BICC1: variants seen among roughly 807,000 people sequenced by gnomAD.
The protein encoded by BICC1 is protein bicaudal C homolog 1.
In BICC1, 43 loss-of-function variants were observed where a neutral mutation model predicts 111.0. That is an observed-to-expected ratio of 0.39 (90% confidence interval 0.30 to 0.50). The LOEUF (loss-of-function observed/expected upper bound fraction) is 0.50. Among genes scored for constraint, BICC1 ranks in the 20% least tolerant of loss-of-function variants. The pLI is 0.88. For missense variants in BICC1, 1,091 were observed against 1,203.2 expected (o/e 0.91, Z 1.38); for synonymous variants, 467 against 434.4 (o/e 1.07, Z -0.93).
chr10:58,527,738 T>C (rs552202594), intron 1 of BICC1, among the ~76,000 whole-genome samples: 17 of 152,166 alleles, frequency 1.1e-4, no homozygotes, highest in African/African-American at 3.6e-4. Flanking sequence ...GTTGTAGATA[T>C]AGACCAATGG....
rs1048147670 is a variant in BICC1 at position 58,610,988 on chromosome 10, A to G, written c.191-9867A>G. ...CTAGGTTGGTTAAAGCCTAAGATCT[A>G]TACCTGGCATGATGTTATTGATTGT... is the stretch of plus-strand genomic sequence containing the variant. On this transcript the variant is annotated intron_variant, in intron 1 of 20. Transcript: ENST00000373886. Among the ~76,000 whole-genome samples the G allele has an allele frequency of 4.6e-5, 7 of 152,342 alleles. No homozygotes were observed. In the East Asian group the frequency reaches 1.2e-3, roughly 25 times the overall value.
chr10:58,601,140 T>TAATATATATATATATATATATATATATA lies in BICC1; in HGVS notation c.191-19715_191-19714insAATATATATATATATATATATATATATA, dbSNP rs1554810885. ...ACTTTTTAGGCAGTCATTTTAAAACTTATATATATATATATATATATATAT... is the reference window on the plus strand; with the variant it reads ...ACTTTTTAGGCAGTCATTTTAAAACTAATATATATATATATATATATATATATATATATATATATATATATATATATAT... On this transcript the variant is annotated intron_variant, in intron 1 of 20. Transcript: ENST00000373886. Among the ~76,000 whole-genome samples the TAATATATATATATATATATATATATATA allele has an allele frequency of 3.4e-4, 34 of 100,650 alleles. 3 individuals are homozygous for TAATATATATATATATATATATATATATA. The highest frequency in any genetic ancestry group is 6.3e-4 in the South Asian group (2 of 3,194). 66.0% of individuals were successfully genotyped at this position (100,650 alleles called of 152,430 possible).
At chr10:58,520,531 C>A (rs1842361272) in intron 1 of BICC1, among the ~76,000 whole-genome samples, 2 of 152,080 alleles carry the variant, frequency 1.3e-5, no homozygotes, top group Non-Finnish European at 2.9e-5. Context: ...AAATCTTGTT[C>A]CCATTTATGA....
chr10:58,599,411 A>G (rs1436858628), intron 1 of BICC1, among the ~76,000 whole-genome samples: 3 of 152,116 alleles, frequency 2.0e-5, no homozygotes, highest in African/African-American at 7.2e-5. Flanking sequence ...CAGAAAACTA[A>G]ACACTGCATG....
chr10:58,598,236 C>T (rs2132062081), intron 1 of BICC1, among the ~76,000 whole-genome samples: 1 of 152,272 alleles, frequency 6.6e-6, no homozygotes, highest in East Asian at 1.9e-4. Context: ...CTGGAGGCAT[C>T]ACGCTACCTG....
chr10:58,820,665 C>G (rs1364756018), intron 20 of BICC1, among the ~76,000 whole-genome samples, 197 bp downstream of exon 20: 1 of 152,076 alleles, frequency 6.6e-6, no homozygotes, highest in East Asian at 1.9e-4. Flanking sequence ...TGCCTGAAAA[C>G]CTGCCTTAAC....
At chr10:58,787,162 TGA>T in intron 5 of BICC1, 81 bp downstream of exon 5, 1 of 1,284,236 alleles carries the variant, frequency 7.8e-7, no homozygotes. Context: ...CTTTTTTTTC[TGA>T]GAGGTGAGAC....
At chr10:58,613,327 C>T (rs1248346503) in intron 1 of BICC1, among the ~76,000 whole-genome samples, 1 of 152,130 alleles carries the variant, frequency 6.6e-6, no homozygotes, top group African/African-American at 2.4e-5. Flanking sequence ...CCTGCTAAAT[C>T]ATTATATCTG....
chr10:58,713,900 C>T (rs1207647814), intron 3 of BICC1, among the ~76,000 whole-genome samples: 1 of 152,120 alleles, frequency 6.6e-6, no homozygotes, highest in Admixed American at 6.5e-5. Flanking sequence ...AAGGATTTTA[C>T]TGTGATTTAT....
intron 1 of BICC1, among the ~76,000 whole-genome samples, chr10:58,540,404 A>G (rs1350209987): frequency 6.6e-6 from 1 of 151,506 alleles, no homozygotes; most frequent in Non-Finnish European, 1.5e-5. Context: ...CAAAGACTCA[A>G]ATAACAAAAA....
At chr10:58,631,059 G>GA (rs34877497) in intron 2 of BICC1, among the ~76,000 whole-genome samples, 8 of 152,062 alleles carry the variant, frequency 5.3e-5, no homozygotes, top group African/African-American at 1.9e-4. Flanking sequence ...TATGTTAGGT[G>GA]AAAAAAGTGA....
At chr10:58,596,602 A>G (rs1462131691) in intron 1 of BICC1, among the ~76,000 whole-genome samples, 1 of 152,204 alleles carries the variant, frequency 6.6e-6, no homozygotes, top group African/African-American at 2.4e-5. Context: ...AAATAGGAAG[A>G]GAGGAAGTCA....
At chr10:58,638,821 C>G (rs1337534061) in intron 2 of BICC1, among the ~76,000 whole-genome samples, 2 of 152,132 alleles carry the variant, frequency 1.3e-5, no homozygotes, top group Admixed American at 6.5e-5. Context: ...CATATGGTCT[C>G]TAAAGCTTTG....
chr10:58,742,589 C>G (rs1841705165), intron 3 of BICC1, among the ~76,000 whole-genome samples: 1 of 151,964 alleles, frequency 6.6e-6, no homozygotes, highest in Non-Finnish European at 1.5e-5. Context: ...AGGTGCCCAT[C>G]ACCATGCCTG....
At chr10:58,793,414 A>G (rs910644336) in intron 8 of BICC1, 70 bp from the exon 9 acceptor site, 22 of 1,363,730 alleles carry the variant, frequency 1.6e-5, no homozygotes, top group Middle Eastern at 2.3e-4. Flanking sequence ...ATTTGCAGGC[A>G]TGTTAAATTA....
intron 2 of BICC1, among the ~76,000 whole-genome samples, chr10:58,694,867 G>T (rs900329350): frequency 6.6e-6 from 1 of 152,144 alleles, no homozygotes; most frequent in African/African-American, 2.4e-5. Context: ...ATTCTGAGAG[G>T]TGGAGCTTTC....
chr10:58,800,250 G>A lies in BICC1; in HGVS notation c.1782G>A (p.Leu594=). The change falls in exon 13 of 21, where the codon CTG becomes CTA. Residue 594 remains leucine (L), a synonymous_variant. Transcript: ENST00000373886. The part of the protein sequence containing the change: ...ISTSSLGEKV[L]SANHGDPSIQ... ...CTTCATCACTTGGAGAAAAAGTGCT[G>A]AGTGCAAATCACGGGGATCCGTCCA... 6.2e-7 allele frequency: 1 copy of A among 1,612,828 alleles called. No individual in the cohort carries two copies. The highest frequency in any genetic ancestry group is 8.5e-7 in the Non-Finnish European group (1 of 1,179,102).
intron 2 of BICC1, among the ~76,000 whole-genome samples, chr10:58,628,106 C>T (rs144685133): frequency 8.4e-4 from 127 of 151,994 alleles, no homozygotes; most frequent in African/African-American, 2.9e-3. Context: ...AAATGTTAAC[C>T]GTGACTCTCA....
intron 3 of BICC1, among the ~76,000 whole-genome samples, chr10:58,766,416 T>C (rs1249543292): frequency 6.6e-6 from 1 of 152,128 alleles, no homozygotes; most frequent in Non-Finnish European, 1.5e-5. Flanking sequence ...GGAGAGTAAT[T>C]AGGGGGCGGG....
Sources: allele counts gnomAD v4.1 joint callset (sites outside exome capture counted in the v4.1 genomes callset), GRCh38; gene constraint gnomAD v4.1.1; transcripts MANE v1.5; gene names NCBI Gene and HGNC (gene_info 2026-07-23, HGNC 2026-07-21).